The following MYT1L variants were observed in gnomAD, a reference collection of about 807,000 sequenced individuals.
MYT1L encodes the protein myelin transcription factor 1 like, also known as myelin transcription factor 1-like protein.
In MYT1L, 12 loss-of-function variants were observed where a neutral mutation model predicts 126.7. The observed-to-expected ratio is 0.09, with a 90% confidence interval of 0.06 to 0.15. MYT1L has a LOEUF of 0.15. Ranked by LOEUF, MYT1L falls within the 10% of genes least tolerant of loss-of-function variation. MYT1L has a pLI of 1.00. For synonymous variants in MYT1L, 541 were observed against 604.2 expected, an observed-to-expected ratio of 0.90 and a Z score of 1.53; for missense variants, 979 against 1,585.2, an observed-to-expected ratio of 0.62 and a Z score of 6.49.
intron 18 of MYT1L, among the ~76,000 whole-genome samples, chr2:1,872,423 G>GGA: frequency 6.6e-6 from 1 of 152,326 alleles, no homozygotes; most frequent in East Asian, 1.9e-4. Flanking sequence ...GTGAGGACAG[G>GGA]GAGAAGGCAG....
chr2:1,819,004 C>T (rs2038120960), intron 21 of MYT1L, among the ~76,000 whole-genome samples: 2 of 152,108 alleles, frequency 1.3e-5, no homozygotes, highest in South Asian at 4.2e-4. Flanking sequence ...CCCCCAGCTC[C>T]CAGCTCCCAG....
At chr2:2,262,931 TAACC>T (rs1559491633) in intron 2 of MYT1L, among the ~76,000 whole-genome samples, 899 of 43,660 alleles carry the variant, frequency 0.021, 203 homozygotes, top group African/African-American at 0.077. Flanking sequence ...TATATATATA[TAACC>T]TGTGATATAT....
intron 3 of MYT1L, among the ~76,000 whole-genome samples, chr2:2,127,419 A>C (rs1245751380): frequency 1.3e-5 from 2 of 152,216 alleles, no homozygotes; most frequent in Non-Finnish European, 2.9e-5. Flanking sequence ...TTGAAAGAGC[A>C]TCCATGTTGT....
intron 3 of MYT1L, among the ~76,000 whole-genome samples, chr2:2,165,307 C>T (rs947305802): frequency 6.7e-6 from 1 of 149,210 alleles, no homozygotes. Flanking sequence ...CACACACACA[C>T]GTGCACACAT....
intron 3 of MYT1L, among the ~76,000 whole-genome samples, chr2:2,137,777 C>CT (rs1435112093): frequency 2.0e-5 from 3 of 151,812 alleles, no homozygotes; most frequent in African/African-American, 7.3e-5. Context: ...AACATAGGCA[C>CT]CGCAAGGACT....
chr2:1,839,262 G>A lies in MYT1L; in HGVS notation c.2967C>T (p.Tyr989=). ...PLAAKRQKDG[Y]LNGSQFSWKS... ...TCCAGGAGAACTGGGAGCCATTCAG[G>A]TACCCGTCTTTCTGCCTCTTGGCCG... is the stretch of plus-strand genomic sequence containing the variant. Residue 989 remains tyrosine (Y), a synonymous_variant, in exon 21 of 25, where the codon TAC becomes TAT. Transcript: ENST00000647738. 1.2e-6 allele frequency: 2 copies of A among 1,613,804 alleles called. No homozygotes were observed. The highest frequency in any genetic ancestry group is 2.2e-5 in the East Asian group (1 of 44,876).
chr2:1,984,735 T>A (rs1243201566), intron 5 of MYT1L, among the ~76,000 whole-genome samples: 1 of 151,642 alleles, frequency 6.6e-6, no homozygotes. Flanking sequence ...GGTCTCAATC[T>A]CCTGACTTCG....
At position 2,248,972 on chromosome 2, in the gene MYT1L, A is replaced by C. The variant is rs571763834; in HGVS notation, c.-421+35432T>G. On this transcript the variant is annotated intron_variant, in intron 2 of 24. Coordinates refer to ENST00000647738, the MANE Select transcript of MYT1L (RefSeq NM_001303052.2). ...AGATCTGAACATGACAAAGATGCCC[A>C]CTGTCACTGTTGTTATTCAAGATAG... is the stretch of plus-strand genomic sequence containing the variant. 4.6e-5 allele frequency among the ~76,000 whole-genome samples: 7 copies of C among 152,266 alleles called. No individual in the cohort carries two copies. In the South Asian group the frequency reaches 1.4e-3, roughly 32 times the overall value.
In MYT1L at chr2:1,943,349, A is replaced by G; in HGVS notation, c.153-15T>C. ...AACCATATACACTAATTAAAAAAAT[A>G]GAGAAGGCAGGGGAGAGAGAGAAAA... On this transcript the variant is annotated splice_polypyrimidine_tract_variant and intron_variant, in intron 8 of 24. Coordinates refer to ENST00000647738, the MANE Select transcript of MYT1L (RefSeq NM_001303052.2). The surrounding 1 kb of genome is among the most constrained non-coding windows in gnomAD (Gnocchi z 4.4). 1 of 1,531,390 alleles carries G rather than the reference A, an allele frequency of 6.5e-7. No individual in the cohort carries two copies. The highest frequency in any genetic ancestry group is 8.8e-7 in the Non-Finnish European group (1 of 1,140,886). The allele number at this position is 1,531,390 out of a possible 1,614,324, so 94.9% of individuals were successfully genotyped here.
chr2:1,860,131 A>G (rs991929109), intron 18 of MYT1L, among the ~76,000 whole-genome samples: 2 of 152,214 alleles, frequency 1.3e-5, no homozygotes, highest in Non-Finnish European at 2.9e-5. Flanking sequence ...ACATCCAGCA[A>G]TAGGCTCCTG....
chr2:2,231,803 A>T (rs1030263889), intron 2 of MYT1L, among the ~76,000 whole-genome samples: 1 of 151,876 alleles, frequency 6.6e-6, no homozygotes, highest in African/African-American at 2.4e-5. Context: ...CAACTTAAGG[A>T]CTCTAACAAT....
At chr2:1,953,675 C>G (rs1436518705) in intron 8 of MYT1L, among the ~76,000 whole-genome samples, 2 of 152,198 alleles carry the variant, frequency 1.3e-5, no homozygotes, top group Non-Finnish European at 1.5e-5. Flanking sequence ...TCCCATTGTG[C>G]GAAGCAAAGG....
At chr2:2,118,829 T>C (rs757438435) in intron 3 of MYT1L, among the ~76,000 whole-genome samples, 2 of 152,234 alleles carry the variant, frequency 1.3e-5, no homozygotes, top group Non-Finnish European at 2.9e-5. Context: ...ATCAAGTACA[T>C]TCTACTTTCT....
At chr2:2,301,825 TAAAAAAAAAAAAA>T (rs375520368) in intron 1 of MYT1L, among the ~76,000 whole-genome samples, 1 of 96,902 alleles carries the variant, frequency 1.0e-5, no homozygotes, top group African/African-American at 4.0e-5. Context: ...CCTGTCTGTC[TAAAAAAAAAAAAA>T]AAAAAAAGAA....
intron 2 of MYT1L, among the ~76,000 whole-genome samples, chr2:2,275,444 T>C (rs1281125877): frequency 6.6e-6 from 1 of 152,122 alleles, no homozygotes; most frequent in Non-Finnish European, 1.5e-5. Flanking sequence ...GAAATCAGCC[T>C]ACCTATATAT....
chr2:2,166,120 A>G (rs1572059959), intron 3 of MYT1L, among the ~76,000 whole-genome samples: 1 of 152,138 alleles, frequency 6.6e-6, no homozygotes, highest in Admixed American at 6.5e-5. Context: ...CCCTCTTCTT[A>G]TATTTATTTC....
At chr2:2,324,910 G>C (rs1341068990) in intron 1 of MYT1L, 2 of 152,212 alleles carry the variant, frequency 1.3e-5, no homozygotes, top group South Asian at 2.1e-4. Flanking sequence ...ACCTTCCTGT[G>C]TATCAAGCTT....
intron 3 of MYT1L, among the ~76,000 whole-genome samples, chr2:2,085,503 C>T (rs1034919652): frequency 7.2e-5 from 11 of 152,112 alleles, no homozygotes; most frequent in African/African-American, 2.7e-4. Context: ...AATAGTTTCT[C>T]CTTCTTTGGA....
chr2:1,878,039 T>C (rs1334737037), intron 18 of MYT1L, among the ~76,000 whole-genome samples: 2 of 152,248 alleles, frequency 1.3e-5, no homozygotes, highest in East Asian at 1.9e-4. Context: ...ATTTAGTCAC[T>C]GAAGGAGGTG....
Sources: gnomAD v4.1 joint callset for allele counts (sites outside exome capture counted in the v4.1 genomes callset) on GRCh38, gnomAD v4.1.1 for gene constraint, Gnocchi (gnomAD v3.1) non-coding constraint, MANE v1.5 for transcripts, NCBI Gene and HGNC (gene_info 2026-07-23, HGNC 2026-07-21) for gene names.